RBM48: variants seen among roughly 807,000 people sequenced by gnomAD.
RBM48 encodes the protein RNA-binding protein 48.
RBM48 carries 32 observed loss-of-function variants against 34.8 expected under a neutral mutation model. The observed-to-expected ratio is 0.92, with a 90% CI of 0.69 to 1.23. The LOEUF (loss-of-function observed/expected upper bound fraction) is 1.23. RBM48 is among the 50% of genes most tolerant of loss of function. RBM48 has a pLI of 0.00. For synonymous variants in RBM48, 151 were observed against 156.2 expected, an observed-to-expected ratio of 0.97 and a Z score of 0.25; for missense variants, 441 against 447.2, an observed-to-expected ratio of 0.99 and a Z score of 0.12.
chr7:92,529,243 T>G, intron 1 of RBM48: 1 of 573,308 alleles, frequency 1.7e-6, no homozygotes, highest in Non-Finnish European at 3.1e-6. Context: ...CCGACTCAAT[T>G]TCTGGAAAAA....
At position 92,529,608 on chromosome 7, in the gene RBM48, C is replaced by T. The variant is rs760823638; in HGVS notation, c.244C>T (p.Pro82Ser). 1.1e-5 allele frequency: 17 copies of T among 1,609,560 alleles called. No homozygotes were observed. The highest frequency in any genetic ancestry group is 1.4e-5 in the Non-Finnish European group (16 of 1,177,058). ...IEQYNALDEY[P>S]AEDFTEVYLI... ...ACAGTACAATGCTCTAGATGAATAC[C>T]CAGCAGAAGACTTTACTGAAGTTTA... Residue 82 changes from proline to serine, a missense_variant, in exon 2 of 5, where the codon CCA (proline) becomes TCA (serine). By Grantham distance (74) the Pro-to-Ser change is moderately conservative. Transcript: ENST00000265732.
chr7:92,531,700 G>A (rs1375766648), intron 2 of RBM48, among the ~76,000 whole-genome samples: 1 of 152,170 alleles, frequency 6.6e-6, no homozygotes, highest in Non-Finnish European at 1.5e-5. Context: ...TTGAATCCTT[G>A]CTCCTCAAAC....
In RBM48 at chr7:92,529,633, A is replaced by G; in HGVS notation, c.269A>G (p.Tyr90Cys). 1 of 1,601,772 alleles carries G rather than the reference A, an allele frequency of 6.2e-7. No homozygotes were observed. The highest frequency in any genetic ancestry group is 8.5e-7 in the Non-Finnish European group (1 of 1,173,394). ...CCAGCAGAAGACTTTACTGAAGTTT[A>G]TCTTATTAAATTTATGAACTTACAA... ...EYPAEDFTEV[Y>C]LIKFMNLQSA... The change falls in exon 2 of 5, where the codon TAT (tyrosine) becomes TGT (cysteine). Residue 90 changes from tyrosine (Y) to cysteine (C), a missense_variant. Physicochemically the swap from Tyr to Cys is radical, Grantham distance 194 (BLOSUM62 -2). Transcript: ENST00000265732.
At chr7:92,531,215 A>T (rs1793567564) in intron 2 of RBM48, among the ~76,000 whole-genome samples, 1 of 152,288 alleles carries the variant, frequency 6.6e-6, no homozygotes, top group African/African-American at 2.4e-5. Flanking sequence ...GGACCTATCT[A>T]CTTCTTGGGG....
intron 4 of RBM48, chr7:92,535,233 A>C: frequency 7.3e-7 from 1 of 1,370,756 alleles, no homozygotes; most frequent in Non-Finnish European, 9.4e-7. Flanking sequence ...AGCCAATTAA[A>C]TCAATCTGTG....
In RBM48 at chr7:92,538,943, C is replaced by G. The variant is rs951031951; in HGVS notation, c.*2006C>G. ...CGGAAGCCAGCACTCCTCATCCCCACCAACATAATTCATCATGAGGAGAGA... is the reference window on the plus strand; with the variant it reads ...CGGAAGCCAGCACTCCTCATCCCCAGCAACATAATTCATCATGAGGAGAGA... On this transcript the variant is annotated 3_prime_UTR_variant, in exon 5 of 5. Coordinates refer to ENST00000265732, the MANE Select transcript of RBM48 (RefSeq NM_032120.4). Among the ~76,000 whole-genome samples, 1 of 152,152 alleles carries G rather than the reference C, an allele frequency of 6.6e-6. No individual in the cohort carries two copies. Among genetic ancestry groups the G allele is most frequent in the Non-Finnish European group, 1.5e-5 (1 of 68,038 alleles).
At position 92,534,765 on chromosome 7, in the gene RBM48, T is replaced by G. The variant is rs1585278033; in HGVS notation, c.812T>G (p.Val271Gly). Reference protein sequence around the residue: ...AQKAITSSEAVDRFMPRTTQL... With the variant: ...AQKAITSSEAGDRFMPRTTQL... ...AAGGCTATTACGTCTTCAGAGGCAG[T>G]TGACAGATTTATGCCTAGGACAACA... The change falls in exon 4 of 5, where the codon GTT (valine) becomes GGT (glycine). Residue 271 changes from valine (V) to glycine (G), a missense_variant. Physicochemically the swap from Val to Gly is moderately radical, Grantham distance 109. Transcript: ENST00000265732. The G allele has an allele frequency of 6.2e-7, 1 of 1,614,184 alleles. No individual in the cohort carries two copies. Among genetic ancestry groups the G allele is most frequent in the South Asian group, 1.1e-5 (1 of 91,076 alleles).
Position 92,532,525 on chromosome 7 carries a change from G to A in RBM48, c.424G>A (p.Val142Ile). 5.0e-6 allele frequency: 8 copies of A among 1,612,180 alleles called. No individual in the cohort carries two copies. The highest frequency in any genetic ancestry group is 3.3e-5 in the South Asian group (3 of 90,860). The change falls in exon 3 of 5, where the codon GTA becomes ATA. Residue 142 changes from valine (V) to isoleucine (I), a missense_variant. By Grantham distance (29) the Val-to-Ile change is conservative. Transcript: ENST00000265732. ...RKKLQMRKAY[V>I]VKTTENKDHY... ...AAAACTACAAATGCGGAAGGCATAT[G>A]TAGTAAAAACTACTGAAAATAAAGG...
At chr7:92,529,732 C>A in intron 2 of RBM48, 66 bp downstream of exon 2, 1 of 997,180 alleles carries the variant, frequency 1.0e-6, no homozygotes, top group Middle Eastern at 2.4e-4. Flanking sequence ...GTCATTTTGG[C>A]CCCAAGTTTC....
At position 92,538,724 on chromosome 7, in the gene RBM48, T is replaced by C. The variant is rs2116337300; in HGVS notation, c.*1787T>C. ...GATCTTGTTAAAATGCAGATTCTGG[T>C]GGTGGTGGTGGCCAGGGGCTGTGGG... is the stretch of plus-strand genomic sequence containing the variant. On this transcript the variant is annotated 3_prime_UTR_variant, in exon 5 of 5. Coordinates refer to ENST00000265732, the MANE Select transcript of RBM48 (RefSeq NM_032120.4). 6.6e-6 allele frequency among the ~76,000 whole-genome samples: 1 copy of C among 152,190 alleles called. No individual in the cohort carries two copies. Among genetic ancestry groups the C allele is most frequent in the Non-Finnish European group, 1.5e-5 (1 of 68,002 alleles).
rs997445874 is a variant in RBM48, at chr7:92,532,392, A to G, written c.303-12A>G. Reference sequence around the variant, plus strand: ...AGATTAAAAAACTATGCTATCTTGTATTTCCATTCAGGACAGCCAAGAGAA... The same window carrying G: ...AGATTAAAAAACTATGCTATCTTGTGTTTCCATTCAGGACAGCCAAGAGAA... On this transcript the variant is annotated splice_polypyrimidine_tract_variant and intron_variant, in intron 2 of 4. Transcript: ENST00000265732. 1 of 1,595,740 alleles carries G rather than the reference A, an allele frequency of 6.3e-7. No individual in the cohort carries two copies. The highest frequency in any genetic ancestry group is 8.5e-7 in the Non-Finnish European group (1 of 1,172,770).
At position 92,534,624 on chromosome 7, in the gene RBM48, C is replaced by CAGA; in HGVS notation, c.671_672insAGA (p.Ser224_Ser225insAsp). On this transcript the variant is annotated inframe_insertion, in exon 4 of 5. Coordinates refer to ENST00000265732, the MANE Select transcript of RBM48 (RefSeq NM_032120.4). ...GGACCTGTAGACAGAGCACCAGACT[C>CAGA]CTCTAAGGATGGTAGAAACCATCAT... is the stretch of plus-strand genomic sequence containing the variant. 1 of 1,614,152 alleles carries CAGA rather than the reference C, an allele frequency of 6.2e-7. No individual in the cohort carries two copies. The highest frequency in any genetic ancestry group is 1.1e-5 in the South Asian group (1 of 91,074).
At chr7:92,536,594 G>A in intron 4 of RBM48, 6 of 1,093,078 alleles carry the variant, frequency 5.5e-6, no homozygotes, top group Non-Finnish European at 6.7e-6. Flanking sequence ...TGTTAAAGTA[G>A]AGCATATGTT....
rs999091648 is a variant in RBM48, at chr7:92,538,792, A to G, written c.*1855A>G. Among the ~76,000 whole-genome samples the G allele has an allele frequency of 6.6e-6, 1 of 152,110 alleles. No individual in the cohort carries two copies. Among genetic ancestry groups the G allele is most frequent in the Non-Finnish European group, 1.5e-5 (1 of 68,022 alleles). ...TACGGTTTAATGGGCATAGAATTTC[A>G]GTTTTGGAAGATGAAAAGAGTTCTA... On this transcript the variant is annotated 3_prime_UTR_variant, in exon 5 of 5. Transcript: ENST00000265732.
intron 4 of RBM48, chr7:92,536,393 C>T (rs768094830): frequency 5.1e-6 from 5 of 985,470 alleles, no homozygotes; most frequent in Non-Finnish European, 6.0e-6. Flanking sequence ...TCTTTGTACA[C>T]TCTTTTTCTG....
At position 92,536,952 on chromosome 7, in the gene RBM48, C is replaced by G. The variant is rs765712836; in HGVS notation, c.*15C>G. On this transcript the variant is annotated 3_prime_UTR_variant, in exon 5 of 5. Transcript: ENST00000265732. Reference sequence around the variant, plus strand: ...GAAGAATATAGAGTGCCAGCAGCAACTTAGTATTTTCTAAAAAGAACATTT... The same window carrying G: ...GAAGAATATAGAGTGCCAGCAGCAAGTTAGTATTTTCTAAAAAGAACATTT... The G allele has an allele frequency of 1.0e-4, 157 of 1,526,370 alleles. No homozygotes were observed. The highest frequency in any genetic ancestry group is 1.3e-4 in the Non-Finnish European group (142 of 1,131,998). 94.6% of individuals were successfully genotyped at this position (1,526,370 alleles called of 1,614,324 possible).
intron 3 of RBM48, among the ~76,000 whole-genome samples, chr7:92,532,963 T>C (rs1793612816): frequency 3.3e-5 from 5 of 152,246 alleles, no homozygotes; most frequent in Admixed American, 3.3e-4. Context: ...AAGTGAATCA[T>C]GGAGGGCCTT....
At chr7:92,529,818 T>C (rs1187382542) in intron 2 of RBM48, 152 bp downstream of exon 2, 4 of 573,692 alleles carry the variant, frequency 7.0e-6, no homozygotes, top group South Asian at 2.3e-5. Context: ...TTAACTTTAC[T>C]GAAACACTGT....
At position 92,532,462 on chromosome 7, in the gene RBM48, T is replaced by C. The variant is rs768824729; in HGVS notation, c.361T>C (p.Tyr121His). ...SFFGGLLHVC[Y>H]APEFETVEET... ...CTTCGGTGGATTGCTTCATGTGTGC[T>C]ATGCTCCAGAATTTGAAACAGTTGA... Residue 121 changes from tyrosine (Y) to histidine (H), a missense_variant, in exon 3 of 5, where the codon TAT becomes CAT. Physicochemically the swap from Tyr to His is moderately conservative, Grantham distance 83 (BLOSUM62 2). Transcript: ENST00000265732. 1 of 1,612,566 alleles carries C rather than the reference T, an allele frequency of 6.2e-7. No homozygotes were observed. Among genetic ancestry groups the C allele is most frequent in the Non-Finnish European group, 8.5e-7 (1 of 1,178,568 alleles).
Sources: allele counts gnomAD v4.1 joint callset (sites outside exome capture counted in the v4.1 genomes callset), GRCh38; gene constraint gnomAD v4.1.1; transcripts MANE v1.5; gene names NCBI Gene and HGNC (gene_info 2026-07-23, HGNC 2026-07-21).